Variants in COX7B observed in about 807,000 individuals in gnomAD.
COX7B encodes cytochrome c oxidase subunit 7B, mitochondrial.
Under a neutral mutation model 7.9 loss-of-function variants are expected in COX7B, and 2 were observed. The observed-to-expected ratio is 0.25, with a 90% CI of 0.10 to 0.79. The LOEUF is 0.79. COX7B is among the 30% of genes least tolerant of loss of function. The probability of loss-of-function intolerance (pLI) is 0.69; values close to 1 mark genes in which losing one functional copy is unlikely to be tolerated. For missense variants in COX7B, 54 were observed against 62.7 expected, an observed-to-expected ratio of 0.86 and a Z score of 0.47; for synonymous variants, 19 against 21.1, an observed-to-expected ratio of 0.90 and a Z score of 0.27.
At chrX:77,903,152 A>G (rs1167969266) in intron 2 of COX7B, 6 of 99,610 alleles carry the variant, frequency 6.0e-5, no homozygotes, top group African/African-American at 2.4e-4. Context: ...CAGGCTCCCA[A>G]GTAGCTGGGA....
At chrX:77,900,957 G>A (rs1557220599) in intron 1 of COX7B, among the ~76,000 whole-genome samples, 1 of 111,979 alleles carries the variant, frequency 8.9e-6, no homozygotes, top group East Asian at 2.8e-4. Context: ...GAATTTTTTG[G>A]TAGTCTTAAT....
At chrX:77,899,798 C>T (rs371824666) in intron 1 of COX7B, among the ~76,000 whole-genome samples, 43 of 111,169 alleles carry the variant, frequency 3.9e-4, no homozygotes, top group East Asian at 3.4e-3. Flanking sequence ...AGCTCTCTTT[C>T]TGTTATCGGA....
At position 77,905,385 on chromosome X, in the gene COX7B, AT is replaced by A; in HGVS notation, c.*126del. 6.1e-6 allele frequency: 3 copies of A among 493,685 alleles called. No homozygotes were observed. In the South Asian group the frequency reaches 1.1e-4, roughly 17 times the overall value. 40.7% of individuals were successfully genotyped at this position (493,685 alleles called of 1,213,427 possible). A position where few individuals can be genotyped will look rare whatever the true frequency, so the allele number is the denominator to read the frequency against. ...GAAATAAAGTACATTTGAAACCTTC[AT>A]TGTAGGTTTTGTTTCTTTGTAAATG... On this transcript the variant is annotated 3_prime_UTR_variant, in exon 3 of 3. Coordinates refer to ENST00000650309, the MANE Select transcript of COX7B (RefSeq NM_001866.3).
intron 1 of COX7B, among the ~76,000 whole-genome samples, chrX:77,900,156 C>G (rs1252046370): frequency 1.8e-5 from 2 of 111,676 alleles, no homozygotes; most frequent in Non-Finnish European, 3.8e-5. Flanking sequence ...CCCCTGAGGT[C>G]AGGAGTTCGA....
chrX:77,899,663 C>T (rs2077115762), intron 1 of COX7B, 70 bp downstream of exon 1: 11 of 1,051,306 alleles, frequency 1.0e-5, no homozygotes, highest in Non-Finnish European at 1.5e-5. Flanking sequence ...CTCTCGTGTG[C>T]TTTCCTTTTA....
intron 1 of COX7B, among the ~76,000 whole-genome samples, chrX:77,902,058 A>AT (rs2077121723): frequency 9.0e-6 from 1 of 111,721 alleles, no homozygotes; most frequent in Admixed American, 9.5e-5. Flanking sequence ...AAAAATCAAG[A>AT]TTACTCTAGT....
intron 2 of COX7B, 92 bp downstream of exon 2, chrX:77,902,859 T>A: frequency 1.1e-6 from 1 of 879,742 alleles, no homozygotes; most frequent in Non-Finnish European, 1.6e-6. Context: ...TGTACATATC[T>A]AGTTAGGAGG....
intron 2 of COX7B, 53 bp from the exon 3 acceptor site, chrX:77,905,129 CGA>C (rs1157627564): frequency 2.1e-6 from 2 of 935,584 alleles, no homozygotes; most frequent in African/African-American, 3.9e-5. Flanking sequence ...AAATAGTCTC[CGA>C]GAGAGTGTAC....
At chrX:77,901,204 A>G (rs1460564456) in intron 1 of COX7B, among the ~76,000 whole-genome samples, 5 of 110,486 alleles carry the variant, frequency 4.5e-5, no homozygotes, top group Non-Finnish European at 9.5e-5. Flanking sequence ...CCATTGTACC[A>G]TGTAGAAATA....
At chrX:77,904,305 A>G (rs1258223798) in intron 2 of COX7B, among the ~76,000 whole-genome samples, 2 of 110,597 alleles carry the variant, frequency 1.8e-5, no homozygotes, top group Non-Finnish European at 3.8e-5. Context: ...CTTTATTTAA[A>G]TAAATAGGCC....
intron 2 of COX7B, among the ~76,000 whole-genome samples, chrX:77,904,057 C>T (rs1479242486): frequency 1.9e-5 from 2 of 105,983 alleles, no homozygotes; most frequent in African/African-American, 3.4e-5. Flanking sequence ...CTCAGCCTTC[C>T]GAGTAGCTGG....
chrX:77,903,707 T>TA (rs2077127084), intron 2 of COX7B, among the ~76,000 whole-genome samples: 1 of 111,376 alleles, frequency 9.0e-6, no homozygotes, highest in Non-Finnish European at 1.9e-5. Flanking sequence ...CCAGGATTTT[T>TA]ACTGTCTTGG....
Position 77,906,033 on chromosome X carries a change from C to T in COX7B, c.*772C>T, listed in dbSNP as rs1314510184. On this transcript the variant is annotated 3_prime_UTR_variant, in exon 3 of 3. Transcript: ENST00000650309. ...CTCACGACCTCAGGTGATCCGCCTGCCTTGGCCTCCCAAAGTGGTAGGATT... is the reference window on the plus strand; with the variant it reads ...CTCACGACCTCAGGTGATCCGCCTGTCTTGGCCTCCCAAAGTGGTAGGATT... 8.9e-6 allele frequency: 1 copy of T among 112,256 alleles called. No individual in the cohort carries two copies. The highest frequency in any genetic ancestry group is 2.8e-4 in the East Asian group (1 of 3,589). The allele number at this position is 112,256 out of a possible 1,213,427, so 9.3% of individuals were successfully genotyped here.
At chrX:77,904,402 G>A (rs1299220037) in intron 2 of COX7B, among the ~76,000 whole-genome samples, 1 of 107,985 alleles carries the variant, frequency 9.3e-6, no homozygotes, top group Non-Finnish European at 1.9e-5. Flanking sequence ...TGTAGTCCTA[G>A]CACTTTGGGA....
chrX:77,902,581 A>G, intron 1 of COX7B, 62 bp from the exon 2 acceptor site: 1 of 1,159,340 alleles, frequency 8.6e-7, no homozygotes, highest in South Asian at 1.8e-5. Flanking sequence ...TCAATCACAT[A>G]TGTTTTCTTT....
intron 1 of COX7B, among the ~76,000 whole-genome samples, chrX:77,899,919 GAT>G (rs1557220513): frequency 9.0e-6 from 1 of 111,691 alleles, no homozygotes; most frequent in Admixed American, 9.6e-5. Context: ...TAGCTTTGGG[GAT>G]ATGTTTACTC....
chrX:77,899,742 G>A (rs1344790024), intron 1 of COX7B, 149 bp downstream of exon 1: 2 of 548,425 alleles, frequency 3.6e-6, no homozygotes, highest in Non-Finnish European at 6.1e-6. Flanking sequence ...TTGGGATGAT[G>A]TCCTTAGCAT....
rs182827283 is a variant in COX7B at position 77,906,238 on chromosome X, C to T, written c.*977C>T. Reference sequence around the variant, plus strand: ...TTGGCCTGGATTTTGGTTATGCCTACTACTATGTGCCTCTCATTTGTATTT... The same window carrying T: ...TTGGCCTGGATTTTGGTTATGCCTATTACTATGTGCCTCTCATTTGTATTT... On this transcript the variant is annotated 3_prime_UTR_variant, in exon 3 of 3. Transcript: ENST00000650309. 5 of 112,357 alleles carry T rather than the reference C, an allele frequency of 4.5e-5. No homozygotes were observed. Among genetic ancestry groups the T allele is most frequent in the African/African-American group, 1.6e-4 (5 of 31,010 alleles). The allele number at this position is 112,357 out of a possible 1,213,427, so 9.3% of individuals were successfully genotyped here.
In COX7B at chrX:77,905,469, C is replaced by T; in HGVS notation, c.*208C>T. On this transcript the variant is annotated 3_prime_UTR_variant, in exon 3 of 3. Transcript: ENST00000650309. The stretch of plus-strand genomic sequence containing the variant: ...AATATTAAAGTCAAATGCTGTGCAG[C>T]TTCTTAAATAGGTTTTTTTTTTTTT... The T allele has an allele frequency of 1.1e-5, 2 of 183,042 alleles. No individual in the cohort carries two copies. The highest frequency in any genetic ancestry group is 1.9e-5 in the Non-Finnish European group (2 of 102,902). The allele number at this position is 183,042 out of a possible 1,213,427, so 15.1% of individuals were successfully genotyped here.
Sources: gnomAD v4.1 joint callset for allele counts (sites outside exome capture counted in the v4.1 genomes callset) on GRCh38, gnomAD v4.1.1 for gene constraint, MANE v1.5 for transcripts, NCBI Gene and HGNC (gene_info 2026-07-23, HGNC 2026-07-21) for gene names.